Variants in STK32A observed in about 807,000 individuals in gnomAD.
STK32A encodes serine/threonine-protein kinase 32A.
Under a neutral mutation model 53.2 loss-of-function variants are expected in STK32A, and 41 were observed. The observed-to-expected ratio is 0.77, with a 90% CI of 0.60 to 1.00. STK32A has a LOEUF of 1.00. Among genes scored for constraint, STK32A ranks in the 50% least tolerant of loss-of-function variants. The pLI, the probability that STK32A is intolerant of heterozygous loss-of-function variation, is 0.00. For missense variants in STK32A, 458 were observed against 485.8 expected (o/e 0.94, Z 0.54); for synonymous variants, 166 against 162.8 (o/e 1.02, Z -0.15).
intron 7 of STK32A, among the ~76,000 whole-genome samples, chr5:147,352,334 T>A (rs1756022365): frequency 6.6e-6 from 1 of 152,242 alleles, no homozygotes; most frequent in Non-Finnish European, 1.5e-5. Flanking sequence ...GCCTTGACAA[T>A]TCAGCATTTA....
At chr5:147,244,199 C>T (rs1246771194) in intron 2 of STK32A, among the ~76,000 whole-genome samples, 6 of 152,194 alleles carry the variant, frequency 3.9e-5, no homozygotes, top group Non-Finnish European at 1.5e-5. Flanking sequence ...ATCCATGTTG[C>T]AGCATGTGTC....
chr5:147,244,820 G>A (rs1310912742), intron 2 of STK32A, among the ~76,000 whole-genome samples: 1 of 152,128 alleles, frequency 6.6e-6, no homozygotes, highest in Admixed American at 6.5e-5. Flanking sequence ...TCTTTGTGAG[G>A]ATTGAATAAA....
At chr5:147,323,831 A>C (rs1754438209) in intron 4 of STK32A, 67 bp from the exon 5 acceptor site, 1 of 1,390,008 alleles carries the variant, frequency 7.2e-7, no homozygotes, top group Non-Finnish European at 9.8e-7. Context: ...GTAGGGTCTC[A>C]TTTGTCTCTG....
At chr5:147,362,206 T>C (rs1756539227) in intron 8 of STK32A, among the ~76,000 whole-genome samples, 1 of 152,196 alleles carries the variant, frequency 6.6e-6, no homozygotes, top group South Asian at 2.1e-4. Flanking sequence ...ATAATAGAAA[T>C]ACACTCCTTA....
intron 2 of STK32A, among the ~76,000 whole-genome samples, chr5:147,250,848 A>C (rs1753960402): frequency 6.6e-6 from 1 of 150,890 alleles, no homozygotes; most frequent in Admixed American, 6.6e-5. Flanking sequence ...AGGCTGAGGC[A>C]GGAGAATGGC....
rs113803754 is a variant in STK32A, at chr5:147,348,711, C to T, written c.473-2354C>T. ...TTAATACAGATACCTGGCTCTCCTA[C>T]AAGTCCCACTGAATTGGAGTTTCAG... On this transcript the variant is annotated intron_variant, in intron 6 of 12. Coordinates refer to ENST00000397936, the MANE Select transcript of STK32A (RefSeq NM_001112724.2). 1,265 of 774,110 alleles carry T rather than the reference C, an allele frequency of 1.6e-3. 7 individuals are homozygous for T. Among genetic ancestry groups the T allele is most frequent in the African/African-American group, 0.012 (731 of 59,148 alleles). The allele number at this position is 774,110 out of a possible 1,614,324, so 48.0% of individuals were successfully genotyped here.
At chr5:147,390,428 G>C (rs1339146424), downstream of STK32A, among the ~76,000 whole-genome samples, 1 of 145,392 alleles carries the variant, frequency 6.9e-6, no homozygotes, top group Non-Finnish European at 1.5e-5. Flanking sequence ...TTAAAAAGAA[G>C]CAGAAAATGC....
chr5:147,372,842 G>C (rs940809173), intron 9 of STK32A, among the ~76,000 whole-genome samples: 14 of 152,004 alleles, frequency 9.2e-5, no homozygotes, highest in African/African-American at 3.4e-4. Flanking sequence ...GATTACAATC[G>C]TATGAAATAC....
intron 2 of STK32A, among the ~76,000 whole-genome samples, chr5:147,269,241 T>C (rs1754931450): frequency 6.6e-6 from 1 of 152,176 alleles, no homozygotes; most frequent in African/African-American, 2.4e-5. Flanking sequence ...TACTATGAAT[T>C]TTTCTGTTGT....
chr5:147,272,827 C>T (rs2151952153), intron 2 of STK32A, among the ~76,000 whole-genome samples: 1 of 152,302 alleles, frequency 6.6e-6, no homozygotes, highest in Admixed American at 6.5e-5. Flanking sequence ...ATTTTACAGA[C>T]AGAGACATTG....
At chr5:147,380,290 A>G (rs1757400435) in intron 11 of STK32A, among the ~76,000 whole-genome samples, 2 of 152,150 alleles carry the variant, frequency 1.3e-5, no homozygotes, top group Admixed American at 6.5e-5. Flanking sequence ...GGAAACCCTC[A>G]GGATTACAAA....
chr5:147,366,753 A>C (rs1381667455), intron 8 of STK32A, among the ~76,000 whole-genome samples: 1 of 152,176 alleles, frequency 6.6e-6, no homozygotes, highest in Non-Finnish European at 1.5e-5. Flanking sequence ...CCATCTTAGC[A>C]GTTTGTTGCA....
intron 2 of STK32A, among the ~76,000 whole-genome samples, chr5:147,269,589 T>G (rs188957106): frequency 8.8e-4 from 134 of 152,330 alleles, no homozygotes; most frequent in African/African-American, 3.1e-3. Context: ...GTATAGCAAA[T>G]TAACATGCCA....
At chr5:147,238,283 C>T (rs974211140) in intron 1 of STK32A, among the ~76,000 whole-genome samples, 2 of 152,226 alleles carry the variant, frequency 1.3e-5, no homozygotes, top group African/African-American at 4.8e-5. Context: ...GAGCCATTGC[C>T]ACCATTGTCT....
chr5:147,352,963 A>G (rs953636915), intron 7 of STK32A, among the ~76,000 whole-genome samples: 1 of 152,188 alleles, frequency 6.6e-6, no homozygotes, highest in Admixed American at 6.5e-5. Context: ...TGAAAACACC[A>G]CAAGTCCCAA....
intron 4 of STK32A, among the ~76,000 whole-genome samples, chr5:147,315,003 C>G (rs186736119): frequency 3.1e-4 from 47 of 152,226 alleles, no homozygotes; most frequent in Admixed American, 2.7e-3. Flanking sequence ...CCTCAGCCCC[C>G]CAAAGTGCTG....
intron 8 of STK32A, 89 bp downstream of exon 8, chr5:147,361,703 G>A: frequency 2.0e-6 from 2 of 998,186 alleles, no homozygotes; most frequent in Non-Finnish European, 3.1e-6. Flanking sequence ...GATCCAAGCA[G>A]TTCACTTGAA....
chr5:147,347,324 A>C (rs1359814763), intron 6 of STK32A, among the ~76,000 whole-genome samples: 2 of 85,550 alleles, frequency 2.3e-5, no homozygotes, highest in Admixed American at 1.2e-4. Flanking sequence ...CAATAGAGGC[A>C]AAAAAAAAAA....
intron 11 of STK32A, among the ~76,000 whole-genome samples, chr5:147,379,460 G>T (rs1757368806): frequency 6.6e-6 from 1 of 151,926 alleles, no homozygotes; most frequent in African/African-American, 2.4e-5. Context: ...AAGTTCATAG[G>T]CTTGTTCTGA....
Sources: gnomAD v4.1 joint callset for allele counts (sites outside exome capture counted in the v4.1 genomes callset) on GRCh38, gnomAD v4.1.1 for gene constraint, MANE v1.5 for transcripts, NCBI Gene and HGNC (gene_info 2026-07-23, HGNC 2026-07-21) for gene names.